NLRP9: variants seen among roughly 807,000 people sequenced by gnomAD.
The protein encoded by NLRP9 is NLR family pyrin domain containing 9, also known as NACHT, LRR and PYD domains-containing protein 9.
Under a neutral mutation model 83.1 loss-of-function variants are expected in NLRP9, and 88 were observed. The ratio of observed to expected loss-of-function variants is 1.06; its 90% CI spans 0.89 to 1.26. The LOEUF (loss-of-function observed/expected upper bound fraction) is 1.26. Among genes scored for constraint, NLRP9 ranks in the 50% most tolerant of loss-of-function variants. The probability of loss-of-function intolerance (pLI) is 0.00; values close to 1 mark genes in which losing one functional copy is unlikely to be tolerated. For missense variants in NLRP9, 1,308 were observed against 1,179.3 expected (o/e 1.11, Z -1.60); for synonymous variants, 521 against 447.6 (o/e 1.16, Z -2.07).
chr19:55,737,961 C>T (rs1988829341), intron 1 of NLRP9, 134 bp downstream of exon 1: 14 of 865,944 alleles, frequency 1.6e-5, no homozygotes, highest in Non-Finnish European at 2.6e-5. Flanking sequence ...GCCTGCAACT[C>T]TTCCTACCTT....
At position 55,709,022 on chromosome 19, in the gene NLRP9, C is replaced by T; in HGVS notation, c.2866G>A (p.Glu956Lys). Reference protein sequence around the residue: ...MLGLHKSGFDEETQKILMSVE... With the variant: ...MLGLHKSGFDKETQKILMSVE... Reference sequence around the variant, plus strand: ...GACATCAGGATCTTCTGAGTTTCTTCATCAAAGCCAGATTTGTGCAGCCTG... The same window carrying T: ...GACATCAGGATCTTCTGAGTTTCTTTATCAAAGCCAGATTTGTGCAGCCTG... Residue 956 changes from glutamate (E) to lysine (K), a missense_variant, in exon 9 of 9, where the codon GAA (glutamate) becomes AAA (lysine). Physicochemically the swap from Glu to Lys is moderately conservative, Grantham distance 56. Transcript: ENST00000332836. 1 of 1,576,246 alleles carries T rather than the reference C, an allele frequency of 6.3e-7. No homozygotes were observed. The highest frequency in any genetic ancestry group is 2.3e-5 in the East Asian group (1 of 43,080).
At position 55,712,543 on chromosome 19, in the gene NLRP9, G is replaced by A. The variant is rs1987778855; in HGVS notation, c.2549C>T (p.Ala850Val). The change falls in exon 7 of 9, where the codon GCT (alanine) becomes GTT (valine). Residue 850 changes from alanine to valine, a missense_variant. Ala to Val is a moderately conservative substitution (Grantham distance 64). Transcript: ENST00000332836. ...CAGTTTCCCATTGCAAATAAGAACA[G>A]CAGCAATGTCCTTACAGGAATCGGA... ...LTSDSCKDIA[A>V]VLICNGKLKT... is the part of the protein sequence containing the mutation. The A allele has an allele frequency of 6.2e-7, 1 of 1,612,528 alleles. No homozygotes were observed. The highest frequency in any genetic ancestry group is 2.2e-5 in the East Asian group (1 of 44,776).
chr19:55,714,807 G>A (rs928206032), intron 6 of NLRP9, among the ~76,000 whole-genome samples: 1 of 152,134 alleles, frequency 6.6e-6, no homozygotes, highest in Non-Finnish European at 1.5e-5. Context: ...GTCCACAGAT[G>A]GTGGAAGGGG....
chr19:55,734,526 C>T (rs202099356), intron 1 of NLRP9, among the ~76,000 whole-genome samples: 26,219 of 107,686 alleles, frequency 0.24, 2,961 homozygotes, highest in Non-Finnish European at 0.32. Context: ...TACACACACA[C>T]ATATATATAT....
intron 8 of NLRP9, chr19:55,709,339 A>C: frequency 5.3e-6 from 1 of 187,312 alleles, no homozygotes; most frequent in Non-Finnish European, 1.1e-5. Flanking sequence ...TCTGATGTTC[A>C]TATGCCCTGG....
intron 1 of NLRP9, among the ~76,000 whole-genome samples, chr19:55,733,886 G>T (rs1988687491): frequency 6.7e-6 from 1 of 149,474 alleles, no homozygotes; most frequent in Non-Finnish European, 1.5e-5. Context: ...TTGATCCCAG[G>T]TCTTTAGATA....
At chr19:55,711,392 A>G (rs1987718317) in intron 8 of NLRP9, 2 of 1,256,958 alleles carry the variant, frequency 1.6e-6, no homozygotes, top group South Asian at 2.7e-5. Flanking sequence ...CCATTTGGCG[A>G]ATGTATTTCT....
chr19:55,715,350 G>A, intron 5 of NLRP9, 125 bp from the exon 6 acceptor site: 1 of 816,774 alleles, frequency 1.2e-6, no homozygotes, highest in South Asian at 1.9e-5. Flanking sequence ...TTTGTCCCAG[G>A]CAAAACCTTT....
intron 1 of NLRP9, among the ~76,000 whole-genome samples, chr19:55,733,977 C>G (rs1239253938): frequency 1.5e-5 from 2 of 136,160 alleles, no homozygotes; most frequent in African/African-American, 2.9e-5. Flanking sequence ...GGCTGGAGTG[C>G]AGTGGCGGGA....
chr19:55,711,245 A>C (rs1295422666), intron 8 of NLRP9: 2 of 479,850 alleles, frequency 4.2e-6, no homozygotes, highest in African/African-American at 4.2e-5. Context: ...TTGTTTTTTA[A>C]AAAATAAAAA....
At chr19:55,711,048 TG>T (rs1987691330) in intron 8 of NLRP9, among the ~76,000 whole-genome samples, 1 of 149,682 alleles carries the variant, frequency 6.7e-6, no homozygotes, top group African/African-American at 2.5e-5. Flanking sequence ...ACTGTGCCAC[TG>T]CACTCCAGCC....
intron 3 of NLRP9, among the ~76,000 whole-genome samples, chr19:55,726,117 C>T (rs763697586): frequency 2.0e-5 from 3 of 152,066 alleles, no homozygotes; most frequent in Non-Finnish European, 2.9e-5. Flanking sequence ...CAGGAATATC[C>T]GGCCTCCAAG....
chr19:55,729,044 CT>C (rs199974942), intron 3 of NLRP9, among the ~76,000 whole-genome samples: 27 of 98,264 alleles, frequency 2.7e-4, no homozygotes, highest in Non-Finnish European at 5.0e-4. Context: ...TCTTATTTTT[CT>C]TTTTCTTTTT....
At chr19:55,712,305 C>T in intron 7 of NLRP9, 115 bp downstream of exon 7, 2 of 853,612 alleles carry the variant, frequency 2.3e-6, no homozygotes, top group Non-Finnish European at 3.6e-6. Context: ...CATATCAGAT[C>T]GTCCCAGAGG....
chr19:55,732,602 A>G lies in NLRP9; in HGVS notation c.1229T>C (p.Phe410Ser). Residue 410 changes from phenylalanine to serine, a missense_variant, in exon 2 of 9, where the codon TTT (phenylalanine) becomes TCT (serine). Coordinates refer to ENST00000332836, the MANE Select transcript of NLRP9 (RefSeq NM_176820.4). ...AEGIWTYTFV[F>S]SHGDLRRNGL... ...ATTCCTCCGGAGATCCCCATGGGAA[A>G]ATACAAATGTATATGTCCAAATTCC... is the stretch of plus-strand genomic sequence containing the variant. The G allele has an allele frequency of 6.2e-7, 1 of 1,614,240 alleles. No homozygotes were observed. Among genetic ancestry groups the G allele is most frequent in the Non-Finnish European group, 8.5e-7 (1 of 1,180,040 alleles).
In NLRP9 at chr19:55,710,199, T is replaced by G. The variant is rs372602921; in HGVS notation, c.2844-1155A>C. Among the ~76,000 whole-genome samples, 145 of 152,226 alleles carry G rather than the reference T, an allele frequency of 9.5e-4. 1 individual carries two copies. Among genetic ancestry groups the G allele is most frequent in the South Asian group, 5.8e-3 (28 of 4,820 alleles). On this transcript the variant is annotated intron_variant, in intron 8 of 8. Transcript: ENST00000332836. The stretch of plus-strand genomic sequence containing the variant: ...CATGTTTTGGGTGTGGGGATGGTGG[T>G]TGAAGAGAAGGGAGACATTATTATT...
intron 6 of NLRP9, 47 bp downstream of exon 6, chr19:55,715,008 C>A (rs773464751): frequency 2.6e-6 from 4 of 1,541,792 alleles, no homozygotes; most frequent in East Asian, 2.3e-5. Context: ...GCCACAGTAT[C>A]CAAAAAAAGA....
intron 4 of NLRP9, among the ~76,000 whole-genome samples, chr19:55,717,528 A>C (rs1251767483): frequency 6.6e-6 from 1 of 152,200 alleles, no homozygotes; most frequent in African/African-American, 2.4e-5. Flanking sequence ...AATGCTGCTC[A>C]ACGTCCTTTA....
At chr19:55,715,930 G>A (rs1040317411) in intron 5 of NLRP9, among the ~76,000 whole-genome samples, 5 of 152,160 alleles carry the variant, frequency 3.3e-5, no homozygotes, top group African/African-American at 1.2e-4. Flanking sequence ...CATATTTAAG[G>A]TTTTGTTAAA....
Sources: allele counts gnomAD v4.1 joint callset (sites outside exome capture counted in the v4.1 genomes callset), GRCh38; gene constraint gnomAD v4.1.1; transcripts MANE v1.5; gene names NCBI Gene and HGNC (gene_info 2026-07-23, HGNC 2026-07-21).